ENOX2: variants seen among roughly 807,000 people sequenced by gnomAD.
ENOX2 encodes the protein APK1 antigen.
A neutral mutation model predicts 45.0 loss-of-function variants in ENOX2; 36 were observed. That is an observed-to-expected ratio of 0.80 (90% confidence interval 0.61 to 1.06). The LOEUF (loss-of-function observed/expected upper bound fraction) is 1.06. Among genes scored for constraint, ENOX2 ranks in the 50% least tolerant of loss-of-function variants. The pLI is 0.00. For missense variants in ENOX2, 423 were observed against 462.5 expected (o/e 0.91, Z 0.78); for synonymous variants, 174 against 152.3 (o/e 1.14, Z -1.05).
intron 2 of ENOX2, among the ~76,000 whole-genome samples, chrX:130,816,211 G>A (rs2077483540): frequency 8.9e-6 from 1 of 111,871 alleles, no homozygotes; most frequent in Non-Finnish European, 1.9e-5. Context: ...GCAACAAGAA[G>A]AGCTAACTAT....
intron 3 of ENOX2, among the ~76,000 whole-genome samples, chrX:130,708,797 T>A (rs1158792748): frequency 1.5e-4 from 17 of 112,376 alleles, no homozygotes; most frequent in African/African-American, 5.2e-4. Context: ...ACTACTCTAT[T>A]ATTGTATTAA....
At chrX:130,752,932 C>T (rs959854786) in intron 3 of ENOX2, among the ~76,000 whole-genome samples, 4 of 110,899 alleles carry the variant, frequency 3.6e-5, no homozygotes, top group Admixed American at 9.6e-5. Context: ...CTGTCCCTTG[C>T]TCCTTCTGTG....
At chrX:130,644,248 C>T (rs1031935125) in intron 10 of ENOX2, among the ~76,000 whole-genome samples, 1 of 112,257 alleles carries the variant, frequency 8.9e-6, no homozygotes, top group Non-Finnish European at 1.9e-5. Context: ...AAAGTTCTAA[C>T]ACTAATAATC....
intron 2 of ENOX2, among the ~76,000 whole-genome samples, chrX:130,833,678 G>A (rs1287043389): frequency 1.8e-5 from 2 of 111,034 alleles, no homozygotes; most frequent in East Asian, 2.8e-4. Flanking sequence ...AAATGAAGGC[G>A]ATTTTGCTGC....
rs762739513 is a variant in ENOX2, at chrX:130,894,428, CT to C, written c.-183+7255del. Among the ~76,000 whole-genome samples the C allele has an allele frequency of 9.5e-3, 903 of 95,173 alleles. 8 individuals carry two copies. The highest frequency in any genetic ancestry group is 0.021 in the African/African-American group (551 of 26,336). The allele number at this position is 95,173 out of a possible 115,157, so 82.6% of individuals were successfully genotyped here. ...GTATTGTAGCTATATATGGAATATC[CT>C]TTTTTTTTTTTTTGGTAGAAGATTC... On this transcript the variant is annotated intron_variant, in intron 2 of 14. Transcript: ENST00000394363.
In ENOX2 at chrX:130,805,352, C is replaced by T. The variant is rs764056151; in HGVS notation, c.-182-21662G>A. ...AACATTTAAGCTGAATGTCGTGGAACGGCAGGGAATAACAGTCCAGGATTC... is the reference window on the plus strand; with the variant it reads ...AACATTTAAGCTGAATGTCGTGGAATGGCAGGGAATAACAGTCCAGGATTC... On this transcript the variant is annotated intron_variant, in intron 2 of 14. Transcript: ENST00000394363. Among the ~76,000 whole-genome samples the T allele has an allele frequency of 1.6e-4, 18 of 111,815 alleles. No individual in the cohort carries two copies. In the South Asian group the frequency reaches 3.8e-3, roughly 23 times the overall value.
At chrX:130,787,860 G>C (rs1266866036) in intron 2 of ENOX2, among the ~76,000 whole-genome samples, 1 of 111,278 alleles carries the variant, frequency 9.0e-6, no homozygotes, top group Non-Finnish European at 1.9e-5. Context: ...CTCATATGGA[G>C]GGGGGACATC....
chrX:130,825,216 A>G (rs2077696616), intron 2 of ENOX2, among the ~76,000 whole-genome samples: 1 of 111,994 alleles, frequency 8.9e-6, no homozygotes. Context: ...TAATATAGAT[A>G]AATCTCAAAA....
chrX:130,793,425 C>T (rs1319416541), intron 2 of ENOX2, among the ~76,000 whole-genome samples: 1 of 111,929 alleles, frequency 8.9e-6, no homozygotes, highest in African/African-American at 3.2e-5. Flanking sequence ...TTGCTCTTTG[C>T]TTGGATTCTG....
At chrX:130,882,227 T>C (rs1015536443) in intron 2 of ENOX2, among the ~76,000 whole-genome samples, 2 of 107,052 alleles carry the variant, frequency 1.9e-5, no homozygotes, top group Non-Finnish European at 3.8e-5. Flanking sequence ...TGGTCTAGAG[T>C]GGCAGGTAAA....
At chrX:130,629,577 G>A (rs2035640573) in intron 13 of ENOX2, among the ~76,000 whole-genome samples, 1 of 112,681 alleles carries the variant, frequency 8.9e-6, no homozygotes. Context: ...ACGTTAATAA[G>A]TTGTAATAAG....
At chrX:130,701,378 T>C (rs900932118) in intron 4 of ENOX2, among the ~76,000 whole-genome samples, 1 of 110,842 alleles carries the variant, frequency 9.0e-6, no homozygotes, top group Admixed American at 9.6e-5. Flanking sequence ...CATATAAATA[T>C]ATAAAACAAT....
At chrX:130,877,846 A>G (rs752695727) in intron 2 of ENOX2, among the ~76,000 whole-genome samples, 1 of 112,238 alleles carries the variant, frequency 8.9e-6, no homozygotes, top group South Asian at 3.7e-4. Context: ...AGAAATGGCT[A>G]AAGAGCTTCA....
chrX:130,743,018 A>G (rs1186101705), intron 3 of ENOX2, among the ~76,000 whole-genome samples: 1 of 112,232 alleles, frequency 8.9e-6, no homozygotes, highest in Non-Finnish European at 1.9e-5. Flanking sequence ...TATACTAATA[A>G]ACTGCTGAGA....
intron 10 of ENOX2, among the ~76,000 whole-genome samples, chrX:130,647,907 A>G (rs962121470): frequency 2.7e-5 from 3 of 111,507 alleles, no homozygotes; most frequent in African/African-American, 9.8e-5. Context: ...TTAGATGGTA[A>G]GTTGTCAGGC....
At chrX:130,637,527 T>C in intron 10 of ENOX2, 117 bp from the exon 11 acceptor site, 2 of 541,402 alleles carry the variant, frequency 3.7e-6, no homozygotes, top group East Asian at 7.2e-5. Flanking sequence ...GAGTTGGCCA[T>C]CTCAGCAAGA....
At chrX:130,717,614 T>C (rs2038362252) in intron 3 of ENOX2, among the ~76,000 whole-genome samples, 2 of 112,425 alleles carry the variant, frequency 1.8e-5, no homozygotes, top group Non-Finnish European at 3.8e-5. Flanking sequence ...CTATCTTCCT[T>C]GAAAATGTAA....
intron 3 of ENOX2, among the ~76,000 whole-genome samples, chrX:130,772,626 G>A (rs896753517): frequency 3.6e-5 from 4 of 112,008 alleles, no homozygotes; most frequent in Admixed American, 9.4e-5. Flanking sequence ...GGCCACTCAT[G>A]CTGGGAATGC....
intron 4 of ENOX2, among the ~76,000 whole-genome samples, chrX:130,696,026 C>T (rs373314583): frequency 3.6e-5 from 4 of 111,495 alleles, no homozygotes; most frequent in African/African-American, 1.3e-4. Flanking sequence ...ACATCTGTCC[C>T]GTTTCCCCAA....
Sources: gnomAD v4.1 joint callset for allele counts (sites outside exome capture counted in the v4.1 genomes callset) on GRCh38, gnomAD v4.1.1 for gene constraint, MANE v1.5 for transcripts, NCBI Gene and HGNC (gene_info 2026-07-23, HGNC 2026-07-21) for gene names.